The following PRIM2 variants were observed in gnomAD, a reference collection of about 807,000 sequenced individuals.
The protein encoded by PRIM2 is DNA primase large subunit.
PRIM2 carries 39 observed loss-of-function variants against 67.3 expected under a neutral mutation model. The observed-to-expected ratio is 0.58, with a 90% CI of 0.45 to 0.76. The LOEUF (loss-of-function observed/expected upper bound fraction) is 0.76, where lower values mean the gene tolerates loss of function less well. Among genes scored for constraint, PRIM2 ranks in the 30% least tolerant of loss-of-function variants. The pLI is 0.00. For synonymous variants in PRIM2, 143 were observed against 198.7 expected (o/e 0.72, Z 2.36); for missense variants, 398 against 598.7 (o/e 0.66, Z 3.50).
intron 7 of PRIM2, among the ~76,000 whole-genome samples, chr6:57,504,431 A>G (rs1774211294): frequency 6.6e-6 from 1 of 152,210 alleles, no homozygotes; most frequent in Admixed American, 6.5e-5. Context: ...GTTATCTGTT[A>G]ACACTTGTCT....
the PRIM2 span, among the ~76,000 whole-genome samples, chr6:57,253,581 T>C: frequency 1.3e-5 from 2 of 152,132 alleles, no homozygotes; most frequent in Non-Finnish European, 2.9e-5. Flanking sequence ...CTCGTTCTCT[T>C]GGTGGTTTTC....
At chr6:57,644,346 C>T (rs1383966361) in intron 13 of PRIM2, among the ~76,000 whole-genome samples, 10 of 152,054 alleles carry the variant, frequency 6.6e-5, no homozygotes, top group Admixed American at 3.3e-4. Flanking sequence ...TCTTTCCAGA[C>T]GCAACTCAAA....
chr6:57,577,178 G>A (rs1775978777), intron 10 of PRIM2, among the ~76,000 whole-genome samples: 1 of 152,148 alleles, frequency 6.6e-6, no homozygotes, highest in Non-Finnish European at 1.5e-5. Flanking sequence ...GATTACTTGT[G>A]TTTCTTGGGT....
upstream of PRIM2, among the ~76,000 whole-genome samples, chr6:57,316,725 C>G (rs1041222829): frequency 6.6e-6 from 1 of 152,242 alleles, no homozygotes; most frequent in African/African-American, 2.4e-5. Flanking sequence ...TCTCGAAAAT[C>G]TTACAGACAG....
the PRIM2 span, among the ~76,000 whole-genome samples, chr6:57,243,837 G>A: frequency 6.6e-6 from 1 of 152,116 alleles, no homozygotes; most frequent in Admixed American, 6.5e-5. Flanking sequence ...GTAAGTTGCC[G>A]AGGTTGTGGG....
At position 57,417,666 on chromosome 6, in the gene PRIM2, T is replaced by A. The variant is rs545098603; in HGVS notation, c.693+35498T>A. The stretch of plus-strand genomic sequence containing the variant: ...TGGTGCCCCAAAACAATTACATTAG[T>A]AACATCAGAGATCACTGATCATAGA... On this transcript the variant is annotated intron_variant, in intron 7 of 13. Coordinates refer to ENST00000615550, the MANE Select transcript of PRIM2 (RefSeq NM_000947.5). Among the ~76,000 whole-genome samples the A allele has an allele frequency of 6.1e-3, 929 of 152,290 alleles. 8 individuals carry two copies. Among genetic ancestry groups the A allele is most frequent in the African/African-American group, 0.021 (875 of 41,556 alleles).
chr6:57,606,110 T>C (rs1459870886), intron 11 of PRIM2, among the ~76,000 whole-genome samples: 10 of 152,250 alleles, frequency 6.6e-5, no homozygotes, highest in African/African-American at 1.7e-4. Flanking sequence ...TAATTAAAGC[T>C]GTCTTCCTGT....
At chr6:57,554,727 T>C (rs1775477223) in intron 10 of PRIM2, among the ~76,000 whole-genome samples, 1 of 152,256 alleles carries the variant, frequency 6.6e-6, no homozygotes, top group Non-Finnish European at 1.5e-5. Context: ...ACCTTAAGTG[T>C]GTTAAGCCAT....
Position 57,507,377 on chromosome 6 carries a change from C to T in PRIM2, c.694-10C>T, listed in dbSNP as rs1554347298. The T allele has an allele frequency of 5.9e-5, 89 of 1,508,204 alleles. 1 individual carries two copies. The highest frequency in any genetic ancestry group is 2.7e-5 in the Non-Finnish European group (30 of 1,125,618). 93.4% of individuals were successfully genotyped at this position (1,508,204 alleles called of 1,614,324 possible). ...TTGCTGTTTTTACTAATTTTCTTCC[C>T]TGCTTTTAGTTAACAGCCAGGTCCT... On this transcript the variant is annotated splice_polypyrimidine_tract_variant and intron_variant, in intron 7 of 13. Coordinates refer to ENST00000615550, the MANE Select transcript of PRIM2 (RefSeq NM_000947.5).
At chr6:57,278,432 C>T in the PRIM2 span, among the ~76,000 whole-genome samples, 1 of 152,198 alleles carries the variant, frequency 6.6e-6, no homozygotes, top group African/African-American at 2.4e-5. Flanking sequence ...CATGTGTCCT[C>T]CTACCACCAG....
chr6:57,241,140 C>T, the PRIM2 span, among the ~76,000 whole-genome samples: 1 of 150,176 alleles, frequency 6.7e-6, no homozygotes, highest in Non-Finnish European at 1.5e-5. Flanking sequence ...AGGAGAATGG[C>T]GTGAACCCAG....
chr6:57,336,487 C>G (rs1562700184), intron 5 of PRIM2, among the ~76,000 whole-genome samples: 1 of 152,204 alleles, frequency 6.6e-6, no homozygotes, highest in Non-Finnish European at 1.5e-5. Context: ...CAAAGGGAAG[C>G]CCATCAGACT....
chr6:57,368,322 T>C (rs1347481210), intron 5 of PRIM2, among the ~76,000 whole-genome samples: 1 of 152,084 alleles, frequency 6.6e-6, no homozygotes, highest in Admixed American at 6.6e-5. Flanking sequence ...AGTCTGTAGG[T>C]CTGGGTGGCA....
chr6:57,589,148 A>C (rs1309744546), intron 10 of PRIM2, among the ~76,000 whole-genome samples: 4 of 152,334 alleles, frequency 2.6e-5, no homozygotes, highest in South Asian at 2.1e-4. Flanking sequence ...GGCCCAACCA[A>C]CAGGCAGATA....
the PRIM2 span, among the ~76,000 whole-genome samples, chr6:57,229,598 T>C: frequency 1.3e-5 from 2 of 152,020 alleles, no homozygotes; most frequent in Admixed American, 6.6e-5. Context: ...AGCAATTCTC[T>C]TGCCTTAGCC....
At chr6:57,472,990 C>T (rs2127402402) in intron 7 of PRIM2, among the ~76,000 whole-genome samples, 1 of 152,252 alleles carries the variant, frequency 6.6e-6, no homozygotes, top group Non-Finnish European at 1.5e-5. Context: ...TGGTGCATCC[C>T]ACAAACCTGA....
the PRIM2 span, among the ~76,000 whole-genome samples, chr6:57,227,574 A>T: frequency 6.9e-6 from 1 of 144,320 alleles, no homozygotes. Flanking sequence ...AACCCGGGAG[A>T]TGGAGGTTGC....
chr6:57,595,730 T>A (rs1776354389), intron 10 of PRIM2, among the ~76,000 whole-genome samples: 1 of 152,140 alleles, frequency 6.6e-6, no homozygotes, highest in Non-Finnish European at 1.5e-5. Flanking sequence ...GGGTAAGATA[T>A]GTAGGAAGCG....
At chr6:57,347,033 A>T (rs990937902) in intron 5 of PRIM2, among the ~76,000 whole-genome samples, 1 of 151,986 alleles carries the variant, frequency 6.6e-6, no homozygotes, top group Non-Finnish European at 1.5e-5. Context: ...GTTTATCTCC[A>T]TGACTTTCAA....
Sources: gnomAD v4.1 joint callset for allele counts (sites outside exome capture counted in the v4.1 genomes callset) on GRCh38, gnomAD v4.1.1 for gene constraint, MANE v1.5 for transcripts, NCBI Gene and HGNC (gene_info 2026-07-23, HGNC 2026-07-21) for gene names.